The following ADGRB1 variants were observed in gnomAD, a reference collection of about 807,000 sequenced individuals.
ADGRB1 encodes brain-specific angiogenesis inhibitor 1.
Under a neutral mutation model 175.7 loss-of-function variants are expected in ADGRB1, and 36 were observed. The observed-to-expected ratio is 0.20, with a 90% CI of 0.16 to 0.27. The LOEUF is 0.27. Ranked by LOEUF, ADGRB1 falls within the 10% of genes least tolerant of loss-of-function variation. The pLI, the probability that ADGRB1 is intolerant of heterozygous loss-of-function variation, is 1.00. For missense variants in ADGRB1, 1,731 were observed against 2,255.3 expected, an observed-to-expected ratio of 0.77 and a Z score of 4.71; for synonymous variants, 1,054 against 979.4, an observed-to-expected ratio of 1.08 and a Z score of -1.42.
At chr8:142,467,643 G>A (rs1840354136) in intron 2 of ADGRB1, among the ~76,000 whole-genome samples, 1 of 152,174 alleles carries the variant, frequency 6.6e-6, no homozygotes, top group Non-Finnish European at 1.5e-5. Context: ...CCAGGACAGG[G>A]CCAGGGTGGG....
intron 23 of ADGRB1, among the ~76,000 whole-genome samples, chr8:142,526,336 G>C (rs1405566206): frequency 1.3e-5 from 2 of 152,216 alleles, no homozygotes; most frequent in Non-Finnish European, 2.9e-5. Flanking sequence ...GTGACACACA[G>C]AGAGGGCCCT....
Position 142,464,996 on chromosome 8 carries a change from G to T in ADGRB1, c.784+14G>T. ...ACGGCGCCACAGGTGAGTGACTGGC[G>T]GGGAAACCTTCGGACAGGGGAGGTG... On this transcript the variant is annotated intron_variant, in intron 2 of 30. Transcript: ENST00000517894. 6.8e-7 allele frequency: 1 copy of T among 1,468,152 alleles called. No individual in the cohort carries two copies. Among genetic ancestry groups the T allele is most frequent in the Non-Finnish European group, 9.0e-7 (1 of 1,115,478 alleles). 90.9% of individuals were successfully genotyped at this position (1,468,152 alleles called of 1,614,324 possible).
chr8:142,527,080 A>G (rs1421446492), intron 24 of ADGRB1, among the ~76,000 whole-genome samples: 1 of 152,138 alleles, frequency 6.6e-6, no homozygotes, highest in African/African-American at 2.4e-5. Context: ...GGTGCAGAGG[A>G]CAGGTGGAGC....
At chr8:142,479,658 C>T (rs968787619) in intron 8 of ADGRB1, 35 bp from the exon 9 acceptor site, 1 of 1,599,188 alleles carries the variant, frequency 6.3e-7, no homozygotes, top group Non-Finnish European at 8.5e-7. Flanking sequence ...CTCTCAGTAC[C>T]CCTTCCTGAA....
At chr8:142,490,961 C>G (rs560882134) in intron 17 of ADGRB1, 146 bp downstream of exon 17, 180 of 1,090,550 alleles carry the variant, frequency 1.7e-4, no homozygotes, top group Non-Finnish European at 2.1e-4. Flanking sequence ...GTGTCACCAC[C>G]TGTCACTCAC....
rs1287970293 is a variant in ADGRB1, at chr8:142,511,445, T to G, written c.2817+372T>G. On this transcript the variant is annotated intron_variant, in intron 18 of 30. Coordinates refer to ENST00000517894, the MANE Select transcript of ADGRB1 (RefSeq NM_001702.3). The surrounding 1 kb of genome is among the most constrained non-coding windows in gnomAD (Gnocchi z 4.5). ...GGCGTCGCCTGTGGAGGGGCTACCC[T>G]TTCCCTTGGTCCTCTCCGCCTGCCA... Among the ~76,000 whole-genome samples, 2 of 152,050 alleles carry G rather than the reference T, an allele frequency of 1.3e-5. No individual in the cohort carries two copies. Among genetic ancestry groups the G allele is most frequent in the Non-Finnish European group, 2.9e-5 (2 of 67,978 alleles).
At chr8:142,497,797 G>T (rs1018513959) in intron 17 of ADGRB1, among the ~76,000 whole-genome samples, 1 of 152,230 alleles carries the variant, frequency 6.6e-6, no homozygotes, top group Non-Finnish European at 1.5e-5. Context: ...GCAGAGGCCT[G>T]TGTGGGCCTG....
At chr8:142,494,771 G>A (rs2131910412) in intron 17 of ADGRB1, among the ~76,000 whole-genome samples, 1 of 151,862 alleles carries the variant, frequency 6.6e-6, no homozygotes, top group South Asian at 2.1e-4. Flanking sequence ...ACGCTGGCCT[G>A]GCAGCATGGC....
chr8:142,454,985 G>T (rs1839577669), intron 1 of ADGRB1, among the ~76,000 whole-genome samples: 1 of 151,790 alleles, frequency 6.6e-6, no homozygotes, highest in African/African-American at 2.4e-5. Flanking sequence ...TTCCCTGCAT[G>T]GGTTTCACAA....
chr8:142,508,252 CTG>C (rs1326772543), intron 17 of ADGRB1, among the ~76,000 whole-genome samples: 1 of 152,216 alleles, frequency 6.6e-6, no homozygotes, highest in Non-Finnish European at 1.5e-5. Context: ...CTTAGCGGCT[CTG>C]TGCCTGGGGT....
At chr8:142,480,894 CA>C (rs148565748) in intron 9 of ADGRB1, among the ~76,000 whole-genome samples, 1,667 of 152,340 alleles carry the variant, frequency 0.011, 10 homozygotes, top group Non-Finnish European at 0.018. Context: ...TGCAGCCAGG[CA>C]GGGGCCCAGG....
chr8:142,490,840 C>G (rs773563205), intron 17 of ADGRB1, 25 bp downstream of exon 17: 4 of 1,567,760 alleles, frequency 2.6e-6, no homozygotes, highest in Non-Finnish European at 2.6e-6. Flanking sequence ...ATTTCATGGC[C>G]GTGGGGGTCT....
intron 17 of ADGRB1, among the ~76,000 whole-genome samples, chr8:142,500,190 C>T (rs1289249802): frequency 6.6e-6 from 1 of 151,400 alleles, no homozygotes; most frequent in Non-Finnish European, 1.5e-5. Context: ...TGTGTTTCGC[C>T]CCCGCCCCAC....
chr8:142,514,958 G>T (rs1843332156), intron 18 of ADGRB1, among the ~76,000 whole-genome samples: 2 of 152,156 alleles, frequency 1.3e-5, no homozygotes, highest in African/African-American at 2.4e-5. Context: ...GCAGGACGAA[G>T]GTGGTACTGT....
At position 142,501,439 on chromosome 8, in the gene ADGRB1, T is replaced by A. The variant is rs111772421; in HGVS notation, c.2676-9493T>A. Among the ~76,000 whole-genome samples, 102 of 17,676 alleles carry A rather than the reference T, an allele frequency of 5.8e-3. 2 individuals are homozygous for A. The highest frequency in any genetic ancestry group is 8.7e-3 in the Non-Finnish European group (74 of 8,482). 11.6% of individuals were successfully genotyped at this position (17,676 alleles called of 152,430 possible). On this transcript the variant is annotated intron_variant, in intron 17 of 30. Coordinates refer to ENST00000517894, the MANE Select transcript of ADGRB1 (RefSeq NM_001702.3). ...TGATGATGGGGTGGTGGTAGTGATGTTTGTGTGGTTTTGACGATGGAGGTG... is the reference window on the plus strand; with the variant it reads ...TGATGATGGGGTGGTGGTAGTGATGATTGTGTGGTTTTGACGATGGAGGTG...
At chr8:142,471,382 T>C (rs779807479) in intron 2 of ADGRB1, among the ~76,000 whole-genome samples, 3 of 152,226 alleles carry the variant, frequency 2.0e-5, no homozygotes, top group Admixed American at 6.5e-5. Flanking sequence ...AGAAAGGACA[T>C]GGAGCTGGCA....
intron 19 of ADGRB1, among the ~76,000 whole-genome samples, chr8:142,520,139 TG>T (rs1843699327): frequency 6.8e-6 from 1 of 146,900 alleles, no homozygotes; most frequent in African/African-American, 2.6e-5. Context: ...ATGGTGGTGA[TG>T]GTGATGGTGT....
rs1030042392 is a variant in ADGRB1 at position 142,492,400 on chromosome 8, G to A, written c.2675+1585G>A. The stretch of plus-strand genomic sequence containing the variant: ...CGGAGCAGTGTGGTGATGCCCGGCC[G>A]TGCATGGGCCGGGAAGGGAAGCTAG... On this transcript the variant is annotated intron_variant, in intron 17 of 30. Coordinates refer to ENST00000517894, the MANE Select transcript of ADGRB1 (RefSeq NM_001702.3). This position sits in a 1 kb window ranked among gnomAD's most constrained non-coding sequence, Gnocchi z 4.4. 2.0e-5 allele frequency among the ~76,000 whole-genome samples: 3 copies of A among 152,176 alleles called. No individual in the cohort carries two copies. Among genetic ancestry groups the A allele is most frequent in the African/African-American group, 7.2e-5 (3 of 41,450 alleles).
At position 142,459,759 on chromosome 8, in the gene ADGRB1, T is replaced by C. The variant is rs1324497224; in HGVS notation, c.-219-4221T>C. On this transcript the variant is annotated intron_variant, in intron 1 of 30. Transcript: ENST00000517894. ...GCATTTGTGCACACATTGACACACA[T>C]CTGCTTCTCCCCTTCCACATCTCAG... 3.3e-5 allele frequency among the ~76,000 whole-genome samples: 5 copies of C among 152,154 alleles called. No homozygotes were observed. In the East Asian group the frequency reaches 9.7e-4, roughly 29 times the overall value.
Sources: gnomAD v4.1 joint callset for allele counts (sites outside exome capture counted in the v4.1 genomes callset) on GRCh38, gnomAD v4.1.1 for gene constraint, Gnocchi (gnomAD v3.1) non-coding constraint, MANE v1.5 for transcripts, NCBI Gene and HGNC (gene_info 2026-07-23, HGNC 2026-07-21) for gene names.